The following MT2A variants were observed in gnomAD, a reference collection of about 807,000 sequenced individuals.
The protein encoded by MT2A is metallothionein-2.
In MT2A, 6 loss-of-function variants were observed where a neutral mutation model predicts 9.9. The observed-to-expected ratio is 0.61, with a 90% CI of 0.33 to 1.20. The LOEUF (loss-of-function observed/expected upper bound fraction) is 1.20. MT2A is among the 50% of genes most tolerant of loss of function. The pLI, the probability that MT2A is intolerant of heterozygous loss-of-function variation, is 0.04. For synonymous variants in MT2A, 27 were observed against 28.7 expected, an observed-to-expected ratio of 0.94 and a Z score of 0.18; for missense variants, 57 against 78.2, an observed-to-expected ratio of 0.73 and a Z score of 1.02.
rs1960006009 is a variant in MT2A at position 56,609,330 on chromosome 16, G to A, written c.162G>A (p.Ser54=). The change falls in exon 3 of 3, where the codon TCG becomes TCA. Residue 54 remains serine (S), a synonymous_variant. Coordinates refer to ENST00000245185, the MANE Select transcript of MT2A (RefSeq NM_005953.5). ...CAQGCICKGA[S]DKCSCCA ...AGGGCTGCATCTGCAAAGGGGCGTC[G>A]GACAAGTGCAGCTGCTGCGCCTGAT... is the stretch of plus-strand genomic sequence containing the variant. The A allele has an allele frequency of 3.7e-6, 6 of 1,614,046 alleles. No individual in the cohort carries two copies. The highest frequency in any genetic ancestry group is 2.2e-5 in the East Asian group (1 of 44,892).
In MT2A at chr16:56,609,072, C is replaced by G; in HGVS notation, c.94+15C>G. 24 of 1,614,146 alleles carry G rather than the reference C, an allele frequency of 1.5e-5. No homozygotes were observed. The highest frequency in any genetic ancestry group is 2.0e-5 in the Non-Finnish European group (24 of 1,179,994). On this transcript the variant is annotated intron_variant, in intron 2 of 2. Transcript: ENST00000245185. ...CTGCAAGAAAAGTAAGTGGGATCCT[C>G]TCTTTCCTCTACCCCTTCCCTGTCC...
chr16:56,609,218 C>T (rs763418114), intron 2 of MT2A, 45 bp from the exon 3 acceptor site: 7 of 1,613,606 alleles, frequency 4.3e-6, no homozygotes. Context: ...TCCTTATTCC[C>T]GGTGTCGCTA....
Position 56,608,671 on chromosome 16 carries a change from T to C in MT2A, c.16T>C (p.Ser6Pro). Residue 6 changes from serine to proline, a missense_variant, in exon 1 of 3, where the codon TCC (serine) becomes CCC (proline). Ser to Pro is a moderately conservative substitution (Grantham distance 74). Coordinates refer to ENST00000245185, the MANE Select transcript of MT2A (RefSeq NM_005953.5). MDPNCSCAAGDSCTCA... is the reference protein window; with the variant it reads MDPNCPCAAGDSCTCA... ...TCAGCTCGCCATGGATCCCAACTGC[T>C]CCTGCGCCGCCGGTAAGAGGCTGGG... The C allele has an allele frequency of 6.2e-7, 1 of 1,614,160 alleles. No individual in the cohort carries two copies. The highest frequency in any genetic ancestry group is 8.5e-7 in the Non-Finnish European group (1 of 1,180,012).
chr16:56,608,966 C>T, intron 1 of MT2A, 26 bp from the exon 2 acceptor site: 1 of 1,613,784 alleles, frequency 6.2e-7, no homozygotes, highest in Non-Finnish European at 8.5e-7. Context: ...AGGGACGGTT[C>T]TCACCTCTGT....
chr16:56,609,154 C>T (rs778677070), intron 2 of MT2A, 97 bp downstream of exon 2: 9 of 1,609,788 alleles, frequency 5.6e-6, no homozygotes, highest in Non-Finnish European at 7.6e-6. Context: ...TGGGGATGCC[C>T]CATTGCGCGG....
chr16:56,608,970 C>T (rs201269655), intron 1 of MT2A, 22 bp from the exon 2 acceptor site: 34 of 1,613,982 alleles, frequency 2.1e-5, no homozygotes, highest in Non-Finnish European at 2.9e-5. Context: ...ACGGTTCTCA[C>T]CTCTGTCTTT....
chr16:56,609,484 C>T lies in MT2A; in HGVS notation c.*130C>T. 1 of 1,262,814 alleles carries T rather than the reference C, an allele frequency of 7.9e-7. No individual in the cohort carries two copies. 78.2% of individuals were successfully genotyped at this position (1,262,814 alleles called of 1,614,324 possible). On this transcript the variant is annotated 3_prime_UTR_variant, in exon 3 of 3. Transcript: ENST00000245185. ...TGAAATAATGTGAATGATAATAAAA[C>T]AGCTTTGACTTGATTCTGTCTCTGG...
chr16:56,608,616 G>C lies in MT2A; in HGVS notation c.-40G>C, dbSNP rs188916114. On this transcript the variant is annotated 5_prime_UTR_variant, in exon 1 of 3. Transcript: ENST00000245185. ...CTCCTCCAAGTCCCAGCGAACCCGC[G>C]TGCAACCTGTCCCGACTCTAGCCGC... The C allele has an allele frequency of 1.2e-5, 19 of 1,613,968 alleles. No homozygotes were observed. Among genetic ancestry groups the C allele is most frequent in the Non-Finnish European group, 1.6e-5 (19 of 1,180,006 alleles).
chr16:56,609,379 T>A lies in MT2A; in HGVS notation c.*25T>A. The A allele has an allele frequency of 6.2e-7, 1 of 1,611,970 alleles. No homozygotes were observed. Reference sequence around the variant, plus strand: ...ATGCTGGGACAGCCCCGCTCCCAGATGTAAAGAACGCGACTTCCACAAACC... The same window carrying A: ...ATGCTGGGACAGCCCCGCTCCCAGAAGTAAAGAACGCGACTTCCACAAACC... On this transcript the variant is annotated 3_prime_UTR_variant, in exon 3 of 3. Transcript: ENST00000245185.
In MT2A at chr16:56,608,850, G is replaced by A. The variant is rs1195111099; in HGVS notation, c.29-142G>A. 2.5e-5 allele frequency: 33 copies of A among 1,319,240 alleles called. No homozygotes were observed. The African/African-American group carries it at 4.2e-4, about 17-fold the overall frequency. The allele number at this position is 1,319,240 out of a possible 1,614,324, so 81.7% of individuals were successfully genotyped here. ...GGTTATTCGGAGCCCCCTTTTTACCGTTAAGGAGATCTGAGTTAATGGCTT... is the reference window on the plus strand; with the variant it reads ...GGTTATTCGGAGCCCCCTTTTTACCATTAAGGAGATCTGAGTTAATGGCTT... On this transcript the variant is annotated intron_variant, in intron 1 of 2. Transcript: ENST00000245185.
chr16:56,608,844 T>A, intron 1 of MT2A, 148 bp from the exon 2 acceptor site: 1 of 1,326,846 alleles, frequency 7.5e-7, no homozygotes, highest in Non-Finnish European at 1.1e-6. Flanking sequence ...GAGCCCCCTT[T>A]TTACCGTTAA....
In MT2A at chr16:56,609,437, G is replaced by A. The variant is rs1377843899; in HGVS notation, c.*83G>A. The A allele has an allele frequency of 2.9e-5, 43 of 1,503,478 alleles. No individual in the cohort carries two copies. Among genetic ancestry groups the A allele is most frequent in the Non-Finnish European group, 3.1e-5 (34 of 1,112,894 alleles). 93.1% of individuals were successfully genotyped at this position (1,503,478 alleles called of 1,614,324 possible). On this transcript the variant is annotated 3_prime_UTR_variant, in exon 3 of 3. Coordinates refer to ENST00000245185, the MANE Select transcript of MT2A (RefSeq NM_005953.5). ...TTTATGTACAACCCTGACCGTGACC[G>A]TTTGCTATATTCCTTTTTCTATGAA...
rs1959999590 is a variant in MT2A at position 56,608,984 on chromosome 16, C to G, written c.29-8C>G. The G allele has an allele frequency of 6.2e-7, 1 of 1,614,142 alleles. No homozygotes were observed. Among genetic ancestry groups the G allele is most frequent in the Non-Finnish European group, 8.5e-7 (1 of 1,180,010 alleles). ...GACGGTTCTCACCTCTGTCTTTTCTCCTTGCAGGTGACTCCTGCACCTGCG... is the reference window on the plus strand; with the variant it reads ...GACGGTTCTCACCTCTGTCTTTTCTGCTTGCAGGTGACTCCTGCACCTGCG... On this transcript the variant is annotated splice_polypyrimidine_tract_variant and splice_region_variant and intron_variant, in intron 1 of 2. Transcript: ENST00000245185.
At chr16:56,609,200 A>AG in intron 2 of MT2A, 63 bp from the exon 3 acceptor site, 1 of 1,613,384 alleles carries the variant, frequency 6.2e-7, no homozygotes, top group Non-Finnish European at 8.5e-7. Context: ...TATCAGGGAG[A>AG]GCAGGAATCC....
In MT2A at chr16:56,608,773, A is replaced by G. The variant is rs183601993; in HGVS notation, c.28+90A>G. The G allele has an allele frequency of 1.2e-4, 183 of 1,569,278 alleles. 1 individual carries two copies. The Admixed American group carries it at 1.5e-3, about 13-fold the overall frequency. ...CTTTCTCTGGTCACTCAATTTCAGG[A>G]CAGGAGTTGCTCCTTCCCAAAGAGT... On this transcript the variant is annotated intron_variant, in intron 1 of 2. Transcript: ENST00000245185.
Position 56,609,157 on chromosome 16 carries a change from T to C in MT2A, c.94+100T>C, listed in dbSNP as rs187324336. 1.8e-4 allele frequency: 291 copies of C among 1,610,636 alleles called. No homozygotes were observed. In the East Asian group the frequency reaches 6.0e-3, roughly 33 times the overall value. Reference sequence around the variant, plus strand: ...ATTAAAGCAGTCTGGGGATGCCCCATTGCGCGGAAATTGTTGCCTCCTCAG... The same window carrying C: ...ATTAAAGCAGTCTGGGGATGCCCCACTGCGCGGAAATTGTTGCCTCCTCAG... On this transcript the variant is annotated intron_variant, in intron 2 of 2. Coordinates refer to ENST00000245185, the MANE Select transcript of MT2A (RefSeq NM_005953.5).
In MT2A at chr16:56,608,659, G is replaced by A; in HGVS notation, c.4G>A (p.Asp2Asn). Residue 2 changes from aspartate to asparagine, a missense_variant, in exon 1 of 3, where the codon GAT becomes AAT. Transcript: ENST00000245185. Reference protein sequence around the residue: MDPNCSCAAGDS... With the variant: MNPNCSCAAGDS... Reference sequence around the variant, plus strand: ...CTAGCCGCCTCTTCAGCTCGCCATGGATCCCAACTGCTCCTGCGCCGCCGG... The same window carrying A: ...CTAGCCGCCTCTTCAGCTCGCCATGAATCCCAACTGCTCCTGCGCCGCCGG... The A allele has an allele frequency of 6.2e-7, 1 of 1,614,210 alleles. No individual in the cohort carries two copies. Among genetic ancestry groups the A allele is most frequent in the Non-Finnish European group, 8.5e-7 (1 of 1,180,020 alleles).
rs559553296 is a variant in MT2A at position 56,609,360 on chromosome 16, G to T, written c.*6G>T. 5.6e-6 allele frequency: 9 copies of T among 1,613,786 alleles called. No individual in the cohort carries two copies. Among genetic ancestry groups the T allele is most frequent in the Middle Eastern group, 3.3e-4 (2 of 6,050 alleles). On this transcript the variant is annotated 3_prime_UTR_variant, in exon 3 of 3. Transcript: ENST00000245185. ...AGTGCAGCTGCTGCGCCTGATGCTG[G>T]GACAGCCCCGCTCCCAGATGTAAAG...
At chr16:56,608,766 T>G (rs1261846103) in intron 1 of MT2A, 83 bp downstream of exon 1, 11 of 1,587,492 alleles carry the variant, frequency 6.9e-6, no homozygotes, top group African/African-American at 1.3e-5. Flanking sequence ...GGTCACTCAA[T>G]TTCAGGACAG....
Sources: gnomAD v4.1 joint callset for allele counts on GRCh38, gnomAD v4.1.1 for gene constraint, MANE v1.5 for transcripts, NCBI Gene and HGNC (gene_info 2026-07-23, HGNC 2026-07-21) for gene names.